MMP16: variants seen among roughly 807,000 people sequenced by gnomAD.
The protein encoded by MMP16 is matrix metallopeptidase 16.
In MMP16, 12 loss-of-function variants were observed where a neutral mutation model predicts 67.8. The observed-to-expected ratio is 0.18, with a 90% CI of 0.11 to 0.29. The LOEUF (loss-of-function observed/expected upper bound fraction) is 0.29, where lower values mean the gene tolerates loss of function less well. Ranked by LOEUF, MMP16 falls within the 10% of genes least tolerant of loss-of-function variation. The pLI is 1.00. For synonymous variants in MMP16, 249 were observed against 255.9 expected, an observed-to-expected ratio of 0.97 and a Z score of 0.26; for missense variants, 475 against 765.7, an observed-to-expected ratio of 0.62 and a Z score of 4.48.
At chr8:88,274,888 C>T (rs552908336) in intron 1 of MMP16, among the ~76,000 whole-genome samples, 10 of 151,974 alleles carry the variant, frequency 6.6e-5, no homozygotes, top group South Asian at 2.1e-4. Flanking sequence ...AAAGTTCAAC[C>T]GATGTATCAC....
intron 2 of MMP16, 84 bp from the exon 3 acceptor site, chr8:88,186,682 CAATT>C (rs1809080379): frequency 2.0e-6 from 3 of 1,488,812 alleles, no homozygotes; most frequent in Non-Finnish European, 2.7e-6. Context: ...AAAAGAAAAT[CAATT>C]AAGAGGTTAA....
Position 88,166,688 on chromosome 8 carries a change from CATATATATATATATATATAT to C in MMP16, c.709+961_709+980del, listed in dbSNP as rs1166566212. On this transcript the variant is annotated intron_variant, in intron 4 of 9. Transcript: ENST00000286614. The stretch of plus-strand genomic sequence containing the variant: ...ACAAAAGAGAAGGAGCAAAAAATTA[CATATATATATATATATATAT>C]ATATATATATATATATATATATTCT... Among the ~76,000 whole-genome samples, 235 of 58,390 alleles carry C rather than the reference CATATATATATATATATATAT, an allele frequency of 4.0e-3. 5 individuals carry two copies. The East Asian group carries it at 0.052, about 13-fold the overall frequency. The allele number at this position is 58,390 out of a possible 152,430, so 38.3% of individuals were successfully genotyped here. A position where few individuals can be genotyped will look rare whatever the true frequency, so the allele number is the denominator to read the frequency against.
chr8:88,060,105 C>A (rs1372364418), intron 7 of MMP16, among the ~76,000 whole-genome samples: 1 of 151,970 alleles, frequency 6.6e-6, no homozygotes. Context: ...CCATAAGTTC[C>A]CCATAAGCTC....
chr8:88,127,883 G>A (rs1807960918), intron 4 of MMP16, among the ~76,000 whole-genome samples: 1 of 151,776 alleles, frequency 6.6e-6, no homozygotes. Context: ...CAAGCACTTT[G>A]CTGATGTGAG....
In MMP16 at chr8:88,197,182, C is replaced by A; in HGVS notation, c.257G>T (p.Gly86Val). ...MQQFYGINMT[G>V]KVDRNTIDWM... ...CTCAATTGTGTTTCTGTCCACTTTTCCTGTCATGTTAATGCCATAGAACTG... is the reference window on the plus strand; with the variant it reads ...CTCAATTGTGTTTCTGTCCACTTTTACTGTCATGTTAATGCCATAGAACTG... The change falls in exon 2 of 10, where the codon GGA becomes GTA. Residue 86 changes from glycine to valine, a missense_variant. Around this residue, in one of 5 missense-constraint regions of MMP16, gnomAD observed 170 missense variants for 239.6 expected, o/e 0.71. Coordinates refer to ENST00000286614, the MANE Select transcript of MMP16 (RefSeq NM_005941.5). The A allele has an allele frequency of 6.2e-7, 1 of 1,611,372 alleles. No homozygotes were observed. The highest frequency in any genetic ancestry group is 8.5e-7 in the Non-Finnish European group (1 of 1,179,144).
At chr8:88,268,256 C>A (rs1035819987) in intron 1 of MMP16, among the ~76,000 whole-genome samples, 2 of 152,196 alleles carry the variant, frequency 1.3e-5, no homozygotes, top group African/African-American at 4.8e-5. Flanking sequence ...GCAGGAGAAT[C>A]GCTTGAACCT....
intron 6 of MMP16, among the ~76,000 whole-genome samples, chr8:88,077,862 T>C (rs1487354219): frequency 1.3e-5 from 2 of 152,196 alleles, no homozygotes; most frequent in African/African-American, 4.8e-5. Flanking sequence ...TATTCTGCTT[T>C]CTAGAAAAGT....
chr8:88,221,870 C>G (rs1809688271), intron 1 of MMP16, among the ~76,000 whole-genome samples: 1 of 151,970 alleles, frequency 6.6e-6, no homozygotes, highest in African/African-American at 2.4e-5. Context: ...AGTTGAAAGC[C>G]TATAATCATA....
Position 88,223,682 on chromosome 8 carries a change from G to C in MMP16, c.133-26376C>G, listed in dbSNP as rs188891357. ...ACAGGGTGCAGAACATCACACACTG[G>C]GCCTGTCATGGGGTGGGGGGAGGGG... On this transcript the variant is annotated intron_variant, in intron 1 of 9. Coordinates refer to ENST00000286614, the MANE Select transcript of MMP16 (RefSeq NM_005941.5). Among the ~76,000 whole-genome samples, 41 of 120,264 alleles carry C rather than the reference G, an allele frequency of 3.4e-4. 1 individual carries two copies. The Admixed American group carries it at 4.5e-3, about 13-fold the overall frequency. The allele number at this position is 120,264 out of a possible 152,430, so 78.9% of individuals were successfully genotyped here.
Position 88,034,620 on chromosome 8 carries a change from T to C in MMP16, c.*6841A>G, listed in dbSNP as rs1173459564. On this transcript the variant is annotated 3_prime_UTR_variant, in exon 10 of 10. Coordinates refer to ENST00000286614, the MANE Select transcript of MMP16 (RefSeq NM_005941.5). The stretch of plus-strand genomic sequence containing the variant: ...GGTATTTCAGTAATAGCAAAAATTG[T>C]AACATTGATTTAAGGATAACGCTCA... The C allele has an allele frequency of 6.6e-6, 1 of 152,166 alleles. No individual in the cohort carries two copies. The highest frequency in any genetic ancestry group is 1.9e-4 in the East Asian group (1 of 5,190). 9.4% of individuals were successfully genotyped at this position (152,166 alleles called of 1,614,324 possible). A position where few individuals can be genotyped will look rare whatever the true frequency, so the allele number is the denominator to read the frequency against.
At chr8:88,076,520 G>A (rs1001529042) in intron 6 of MMP16, among the ~76,000 whole-genome samples, 62 of 151,868 alleles carry the variant, frequency 4.1e-4, no homozygotes, top group Admixed American at 2.0e-3. Flanking sequence ...AATTTTCATG[G>A]TGCTAGGTGG....
At chr8:88,167,329 A>C (rs979499612) in intron 4 of MMP16, among the ~76,000 whole-genome samples, 1 of 152,206 alleles carries the variant, frequency 6.6e-6, no homozygotes, top group Non-Finnish European at 1.5e-5. Context: ...AGATGCAAAA[A>C]AAACAGCAGA....
intron 4 of MMP16, among the ~76,000 whole-genome samples, chr8:88,153,887 G>T (rs1268687195): frequency 6.6e-6 from 1 of 151,992 alleles, no homozygotes; most frequent in South Asian, 2.1e-4. Context: ...AAACTAAAGA[G>T]CCTCTGCACA....
Position 88,260,201 on chromosome 8 carries a change from C to T in MMP16, c.133-62895G>A, listed in dbSNP as rs565746668. On this transcript the variant is annotated intron_variant, in intron 1 of 9. Transcript: ENST00000286614. ...TTTCTATAATATGGTTCAACTGCTT[C>T]GCACAAAAAAATTTGAGTATATTTT... Among the ~76,000 whole-genome samples the T allele has an allele frequency of 3.9e-5, 6 of 152,160 alleles. No individual in the cohort carries two copies. The East Asian group carries it at 7.7e-4, about 20-fold the overall frequency.
chr8:88,203,822 G>C (rs981196789), intron 1 of MMP16, among the ~76,000 whole-genome samples: 1 of 152,158 alleles, frequency 6.6e-6, no homozygotes, highest in Admixed American at 6.5e-5. Context: ...TTTACGAAAA[G>C]ACAAAAGTGC....
In MMP16 at chr8:88,268,563, TA is replaced by T. The variant is rs1379690331; in HGVS notation, c.132+58511del. On this transcript the variant is annotated intron_variant, in intron 1 of 9. Transcript: ENST00000286614. ...TAAGAACTCTAATATACAAAAGAGATAAAACAGAGGTTTTCTGGTTAAAAGG... is the reference window on the plus strand; with the variant it reads ...TAAGAACTCTAATATACAAAAGAGATAAACAGAGGTTTTCTGGTTAAAAGG... Among the ~76,000 whole-genome samples, 5 of 152,296 alleles carry T rather than the reference TA, an allele frequency of 3.3e-5. No individual in the cohort carries two copies. In the East Asian group the frequency reaches 9.6e-4, roughly 29 times the overall value.
intron 4 of MMP16, among the ~76,000 whole-genome samples, chr8:88,123,400 T>G (rs931501171): frequency 6.6e-6 from 1 of 151,812 alleles, no homozygotes; most frequent in Non-Finnish European, 1.5e-5. Flanking sequence ...TCTATTTTCT[T>G]GTCTCCTGTG....
intron 6 of MMP16, among the ~76,000 whole-genome samples, chr8:88,113,459 TAA>T (rs1809375037): frequency 6.6e-6 from 1 of 151,728 alleles, no homozygotes; most frequent in African/African-American, 2.4e-5. Flanking sequence ...CTTTTATTAA[TAA>T]GAGTGAGATC....
chr8:88,288,397 T>A (rs1310839035), intron 1 of MMP16, among the ~76,000 whole-genome samples: 1 of 152,096 alleles, frequency 6.6e-6, no homozygotes, highest in Non-Finnish European at 1.5e-5. Context: ...AGGTGCTATA[T>A]CAGATGACAG....
Sources: gnomAD v4.1 joint callset for allele counts (sites outside exome capture counted in the v4.1 genomes callset) on GRCh38, gnomAD v4.1.1 for gene constraint, gnomAD v4.1.1 regional missense constraint, MANE v1.5 for transcripts, NCBI Gene and HGNC (gene_info 2026-07-23, HGNC 2026-07-21) for gene names.